Variants in ITGB3 observed in about 807,000 individuals in gnomAD.
ITGB3 encodes integrin subunit beta 3.
In ITGB3, 48 loss-of-function variants were observed where a neutral mutation model predicts 85.8. The observed-to-expected ratio is 0.56, with a 90% CI of 0.44 to 0.71. The LOEUF (loss-of-function observed/expected upper bound fraction) is 0.71. Among genes scored for constraint, ITGB3 ranks in the 30% least tolerant of loss-of-function variants. ITGB3 has a pLI of 0.00. For synonymous variants in ITGB3, 363 were observed against 395.6 expected, an observed-to-expected ratio of 0.92 and a Z score of 0.98; for missense variants, 861 against 1,019.1, an observed-to-expected ratio of 0.84 and a Z score of 2.11.
rs114609021 is a variant in ITGB3 at position 47,276,347 on chromosome 17, C to T, written c.165+1843C>T. Among the ~76,000 whole-genome samples, 1,363 of 152,288 alleles carry T rather than the reference C, an allele frequency of 9.0e-3. 16 individuals carry two copies. The highest frequency in any genetic ancestry group is 0.032 in the African/African-American group (1,312 of 41,570). The stretch of plus-strand genomic sequence containing the variant: ...CTGACCAGACAAAGCCCTTAGGTCA[C>T]ATAACCAGATTTCAAAGATGCAAAT... On this transcript the variant is annotated intron_variant, in intron 2 of 14. Transcript: ENST00000559488.
At chr17:47,274,330 T>C in intron 1 of ITGB3, 89 bp from the exon 2 acceptor site, 2 of 1,122,222 alleles carry the variant, frequency 1.8e-6, no homozygotes, top group Non-Finnish European at 2.7e-6. Context: ...GCTGTAAACC[T>C]GGACATTGGG....
At chr17:47,278,663 ATGGCCTGTT>A (rs1370267768) in intron 2 of ITGB3, among the ~76,000 whole-genome samples, 1 of 152,174 alleles carries the variant, frequency 6.6e-6, no homozygotes, top group African/African-American at 2.4e-5. Context: ...TTCCTAGTCC[ATGGCCTGTT>A]AGGAACTGGG....
At chr17:47,272,732 T>G (rs59666907) in intron 1 of ITGB3, among the ~76,000 whole-genome samples, 7 of 146,186 alleles carry the variant, frequency 4.8e-5, no homozygotes, top group African/African-American at 1.5e-4. Flanking sequence ...TCTTTCGTTC[T>G]TTCTTTTCTT....
At chr17:47,301,249 T>C (rs1485270498) in intron 12 of ITGB3, among the ~76,000 whole-genome samples, 5 of 152,220 alleles carry the variant, frequency 3.3e-5, no homozygotes, top group Non-Finnish European at 5.9e-5. Context: ...GATATAGTTA[T>C]GTGGGCCAGC....
chr17:47,256,475 C>CG (rs1054130671), intron 1 of ITGB3, among the ~76,000 whole-genome samples: 1 of 95,346 alleles, frequency 1.0e-5, no homozygotes, highest in Non-Finnish European at 2.4e-5. Flanking sequence ...AGAGTAATAC[C>CG]CCCCCCCCCA....
At position 47,305,396 on chromosome 17, in the gene ITGB3, G is replaced by A. The variant is rs529109493; in HGVS notation, c.2135-2075G>A. On this transcript the variant is annotated intron_variant, in intron 13 of 14. Coordinates refer to ENST00000559488, the MANE Select transcript of ITGB3 (RefSeq NM_000212.3). ...GGTGAGCATTGGGTATATGTTTGGC[G>A]AAGAAGGTGGGAGACAGTGTGGAAA... is the stretch of plus-strand genomic sequence containing the variant. 6 of 152,592 alleles carry A rather than the reference G, an allele frequency of 3.9e-5. No individual in the cohort carries two copies. In the East Asian group the frequency reaches 5.8e-4, roughly 15 times the overall value. 9.5% of individuals were successfully genotyped at this position (152,592 alleles called of 1,614,324 possible).
intron 1 of ITGB3, among the ~76,000 whole-genome samples, chr17:47,266,642 A>G (rs554535404): frequency 5.3e-5 from 8 of 152,262 alleles, no homozygotes; most frequent in African/African-American, 1.9e-4. Context: ...CAGTGGCACA[A>G]TCACAGCTCA....
At chr17:47,263,315 T>A (rs992365809) in intron 1 of ITGB3, among the ~76,000 whole-genome samples, 2 of 152,162 alleles carry the variant, frequency 1.3e-5, no homozygotes, top group Non-Finnish European at 2.9e-5. Context: ...ATTAACCTCA[T>A]TGGAGATGAT....
intron 6 of ITGB3, among the ~76,000 whole-genome samples, chr17:47,288,206 AAG>A (rs200536313): frequency 0.051 from 6,882 of 134,430 alleles, 251 homozygotes; most frequent in East Asian, 0.17. Context: ...TTCTCTTAGA[AAG>A]AGAGAGAGAG....
intron 1 of ITGB3, among the ~76,000 whole-genome samples, chr17:47,270,981 T>TG (rs2065042373): frequency 6.6e-6 from 1 of 152,194 alleles, no homozygotes; most frequent in African/African-American, 2.4e-5. Flanking sequence ...AAGCAAAACT[T>TG]CATCTATTCC....
chr17:47,265,775 C>T (rs16941776), intron 1 of ITGB3, among the ~76,000 whole-genome samples: 40,316 of 152,116 alleles, frequency 0.27, 5,613 homozygotes, highest in African/African-American at 0.32. Flanking sequence ...AAATACCGTA[C>T]TTAACTGGCT....
chr17:47,259,404 C>T (rs1212886683), intron 1 of ITGB3: 1 of 151,578 alleles, frequency 6.6e-6, no homozygotes, highest in African/African-American at 2.4e-5. Context: ...CAAATTCTAA[C>T]ACTAGATCTA....
intron 1 of ITGB3, among the ~76,000 whole-genome samples, chr17:47,265,140 C>A (rs2065020988): frequency 6.6e-6 from 1 of 152,096 alleles, no homozygotes; most frequent in South Asian, 2.1e-4. Flanking sequence ...CTAAAGTAAC[C>A]ATTTTTCAAA....
intron 6 of ITGB3, among the ~76,000 whole-genome samples, chr17:47,288,234 GAGAGAGAA>G (rs764143101): frequency 0.063 from 5,733 of 90,482 alleles, 175 homozygotes; most frequent in East Asian, 0.16. Context: ...GAGAGAGAGA[GAGAGAGAA>G]AGAGGGGAAA....
chr17:47,306,673 C>CATTT (rs960919469), intron 13 of ITGB3, among the ~76,000 whole-genome samples: 35 of 151,876 alleles, frequency 2.3e-4, no homozygotes, highest in African/African-American at 4.8e-4. Flanking sequence ...ATTTCTTATT[C>CATTT]ATTTATTTAT....
rs781062792 is a variant in ITGB3 at position 47,283,543 on chromosome 17, C to T, written c.355C>T (p.Arg119Trp). ...TCCCCAGAGGATTGCACTCCGGCTC[C>T]GGCCAGGTAGGGCTGGGACTCTTTG... ...VSPQRIALRL[R>W]PDDSKNFSIQ... The change falls in exon 3 of 15, where the codon CGG becomes TGG. Residue 119 changes from arginine (R) to tryptophan (W), a missense_variant. Physicochemically the swap from Arg to Trp is moderately radical, Grantham distance 101 (BLOSUM62 -3). Transcript: ENST00000559488. 9.9e-6 allele frequency: 16 copies of T among 1,614,076 alleles called. 1 individual carries two copies. Among genetic ancestry groups the T allele is most frequent in the East Asian group, 4.5e-5 (2 of 44,902 alleles).
chr17:47,269,935 G>T (rs561605487), intron 1 of ITGB3, among the ~76,000 whole-genome samples: 3 of 152,208 alleles, frequency 2.0e-5, no homozygotes, highest in African/African-American at 7.2e-5. Context: ...GCATGGCTGA[G>T]AAGGCCTCAG....
In ITGB3 at chr17:47,287,100, C is replaced by T. The variant is rs760245142; in HGVS notation, c.808C>T (p.His270Tyr). ...EKIGWRNDAS[H>Y]LLVFTTDAKT... Reference sequence around the variant, plus strand: ...GATTGGCTGGAGGAATGATGCATCCCACTTGCTGGTGTTTACCACTGATGC... The same window carrying T: ...GATTGGCTGGAGGAATGATGCATCCTACTTGCTGGTGTTTACCACTGATGC... The change falls in exon 6 of 15, where the codon CAC becomes TAC. Residue 270 changes from histidine to tyrosine, a missense_variant. Physicochemically the swap from His to Tyr is moderately conservative, Grantham distance 83 (BLOSUM62 2). Transcript: ENST00000559488. 1 of 1,614,018 alleles carries T rather than the reference C, an allele frequency of 6.2e-7. No individual in the cohort carries two copies. Among genetic ancestry groups the T allele is most frequent in the Non-Finnish European group, 8.5e-7 (1 of 1,179,960 alleles).
intron 4 of ITGB3, 48 bp from the exon 5 acceptor site, chr17:47,286,212 C>G: frequency 6.2e-7 from 1 of 1,606,548 alleles, no homozygotes; most frequent in African/African-American, 1.3e-5. Flanking sequence ...TCCCATGCTG[C>G]CTTTTCCATG....
Sources: gnomAD v4.1 joint callset for allele counts (sites outside exome capture counted in the v4.1 genomes callset) on GRCh38, gnomAD v4.1.1 for gene constraint, MANE v1.5 for transcripts, NCBI Gene and HGNC (gene_info 2026-07-23, HGNC 2026-07-21) for gene names.